NDST4: variants seen among roughly 807,000 people sequenced by gnomAD.
The protein encoded by NDST4 is N-heparan sulfate sulfotransferase 4.
In NDST4, 63 loss-of-function variants were observed where a neutral mutation model predicts 100.8. That is an observed-to-expected ratio of 0.62 (90% confidence interval 0.51 to 0.77). The LOEUF (loss-of-function observed/expected upper bound fraction) is 0.77, where lower values mean the gene tolerates loss of function less well. NDST4 is among the 30% of genes least tolerant of loss of function. The pLI, the probability that NDST4 is intolerant of heterozygous loss-of-function variation, is 0.00. For missense variants in NDST4, 943 were observed against 1,018.4 expected, an observed-to-expected ratio of 0.93 and a Z score of 1.01; for synonymous variants, 377 against 361.8, an observed-to-expected ratio of 1.04 and a Z score of -0.48.
intron 2 of NDST4, among the ~76,000 whole-genome samples, chr4:114,997,467 G>A (rs1422958566): frequency 1.3e-5 from 2 of 151,950 alleles, no homozygotes; most frequent in East Asian, 3.9e-4. Flanking sequence ...ACTTATCACT[G>A]TTTTAATTGG....
At chr4:114,905,549 T>C (rs1724932587) in intron 6 of NDST4, among the ~76,000 whole-genome samples, 1 of 151,958 alleles carries the variant, frequency 6.6e-6, no homozygotes, top group African/African-American at 2.4e-5. Flanking sequence ...GACTTTGTTT[T>C]TGTCAAGCTG....
chr4:114,983,761 T>C (rs1229841270), intron 2 of NDST4, among the ~76,000 whole-genome samples: 1 of 152,178 alleles, frequency 6.6e-6, no homozygotes, highest in Non-Finnish European at 1.5e-5. Context: ...AGGGGCAGAA[T>C]GATATGGTTG....
intron 6 of NDST4, among the ~76,000 whole-genome samples, chr4:114,875,781 C>T (rs1724242510): frequency 1.3e-5 from 2 of 152,098 alleles, no homozygotes; most frequent in Non-Finnish European, 2.9e-5. Flanking sequence ...ATTTTATCCA[C>T]AAAATAAAGC....
At position 114,913,520 on chromosome 4, in the gene NDST4, T is replaced by C. The variant is rs1207715149; in HGVS notation, c.1536+21686A>G. On this transcript the variant is annotated intron_variant, in intron 6 of 13. Transcript: ENST00000264363. ...CTGCCTATTTTGAAAAACACTGGCC[T>C]AGAGAAAAAATGAACTTTGTTTTAT... is the stretch of plus-strand genomic sequence containing the variant. Among the ~76,000 whole-genome samples the C allele has an allele frequency of 2.6e-5, 4 of 152,032 alleles. No homozygotes were observed. In the South Asian group the frequency reaches 6.2e-4, roughly 24 times the overall value.
At chr4:115,081,270 T>C (rs553245601) in intron 1 of NDST4, among the ~76,000 whole-genome samples, 2 of 152,316 alleles carry the variant, frequency 1.3e-5, no homozygotes, top group East Asian at 3.9e-4. Context: ...AAAGGAGTTA[T>C]CCTTCCCATT....
intron 2 of NDST4, among the ~76,000 whole-genome samples, chr4:115,000,267 A>C (rs2620411): frequency 0.32 from 47,758 of 151,274 alleles, 7,598 homozygotes; most frequent in South Asian, 0.47. Context: ...TAAATGACAT[A>C]AATTACAATG....
At chr4:115,015,536 A>G (rs1218892849) in intron 2 of NDST4, among the ~76,000 whole-genome samples, 1 of 152,052 alleles carries the variant, frequency 6.6e-6, no homozygotes, top group African/African-American at 2.4e-5. Context: ...AAAATAATTG[A>G]AAAATTGGTA....
At chr4:115,081,034 A>T (rs1729291109) in intron 1 of NDST4, among the ~76,000 whole-genome samples, 1 of 152,064 alleles carries the variant, frequency 6.6e-6, no homozygotes, top group Non-Finnish European at 1.5e-5. Flanking sequence ...TGAATACACA[A>T]AGGAGAATAT....
chr4:115,102,730 T>C (rs1022095361), intron 1 of NDST4, among the ~76,000 whole-genome samples: 1 of 148,230 alleles, frequency 6.7e-6, no homozygotes, highest in African/African-American at 2.5e-5. Context: ...TTTTTTGACA[T>C]GGAGTTAGGC....
At chr4:114,898,335 T>C (rs1724761765) in intron 6 of NDST4, among the ~76,000 whole-genome samples, 1 of 152,188 alleles carries the variant, frequency 6.6e-6, no homozygotes, top group Non-Finnish European at 1.5e-5. Context: ...TGTTTTGCCT[T>C]TTCTTCTTTG....
intron 2 of NDST4, among the ~76,000 whole-genome samples, chr4:115,063,938 T>C (rs1728878209): frequency 6.6e-6 from 1 of 151,962 alleles, no homozygotes; most frequent in South Asian, 2.1e-4. Context: ...ACATTAATTG[T>C]CTTCTTCCCT....
chr4:115,095,035 A>G lies in NDST4; in HGVS notation c.-246-17753T>C, dbSNP rs1455037659. On this transcript the variant is annotated intron_variant, in intron 1 of 13. Coordinates refer to ENST00000264363, the MANE Select transcript of NDST4 (RefSeq NM_022569.3). ...TTAAAAATTCATCAAGGCTCCCAAC[A>G]CAATGTCAGAGACAGCTGTCTACCA... Among the ~76,000 whole-genome samples the G allele has an allele frequency of 2.0e-5, 3 of 152,298 alleles. No individual in the cohort carries two copies. The East Asian group carries it at 5.8e-4, about 29-fold the overall frequency.
intron 4 of NDST4, among the ~76,000 whole-genome samples, chr4:114,964,233 G>A (rs933336586): frequency 6.6e-6 from 1 of 152,156 alleles, no homozygotes; most frequent in African/African-American, 2.4e-5. Context: ...AACAGCTTGT[G>A]AGGAGCTGAA....
At chr4:115,055,961 T>C (rs1338797309) in intron 2 of NDST4, among the ~76,000 whole-genome samples, 3 of 152,154 alleles carry the variant, frequency 2.0e-5, no homozygotes, top group African/African-American at 7.2e-5. Flanking sequence ...CTGTGTGTCA[T>C]ATTTTTTAAA....
intron 10 of NDST4, among the ~76,000 whole-genome samples, chr4:114,840,149 T>G (rs77112637): frequency 2.6e-3 from 391 of 152,280 alleles, no homozygotes; most frequent in Admixed American, 4.5e-3. Context: ...ATATTCATAT[T>G]ACATCACCCA....
At chr4:115,059,903 G>T (rs1044742567) in intron 2 of NDST4, among the ~76,000 whole-genome samples, 2 of 151,916 alleles carry the variant, frequency 1.3e-5, no homozygotes, top group African/African-American at 2.4e-5. Context: ...TTTCTCTAAA[G>T]CTTCAGTATA....
intron 7 of NDST4, among the ~76,000 whole-genome samples, chr4:114,866,036 CTCTCA>C (rs1361570580): frequency 6.6e-6 from 1 of 152,202 alleles, no homozygotes; most frequent in Non-Finnish European, 1.5e-5. Context: ...AATCTGTCCT[CTCTCA>C]TCTGTGATAT....
chr4:114,886,589 T>A (rs1724483194), intron 6 of NDST4, among the ~76,000 whole-genome samples: 1 of 152,142 alleles, frequency 6.6e-6, no homozygotes, highest in Non-Finnish European at 1.5e-5. Context: ...ACCAAGTATT[T>A]TCTAATTTGT....
chr4:114,939,668 T>C (rs1200611928), intron 4 of NDST4, among the ~76,000 whole-genome samples: 4 of 118,056 alleles, frequency 3.4e-5, no homozygotes, highest in Non-Finnish European at 6.8e-5. Flanking sequence ...GGTAGTAAAA[T>C]GAATTGTAGA....
Sources: gnomAD v4.1 joint callset for allele counts (sites outside exome capture counted in the v4.1 genomes callset) on GRCh38, gnomAD v4.1.1 for gene constraint, MANE v1.5 for transcripts, NCBI Gene and HGNC (gene_info 2026-07-23, HGNC 2026-07-21) for gene names.